Variants in PARP9 observed in about 807,000 individuals in gnomAD.
PARP9 encodes poly(ADP-ribose) polymerase family member 9, also known as protein mono-ADP-ribosyltransferase PARP9.
Under a neutral mutation model 68.8 loss-of-function variants are expected in PARP9, and 48 were observed. That is an observed-to-expected ratio of 0.70 (90% CI 0.55 to 0.89). The LOEUF (loss-of-function observed/expected upper bound fraction) is 0.89. Among genes scored for constraint, PARP9 ranks in the 40% least tolerant of loss-of-function variants. The probability of loss-of-function intolerance (pLI) is 0.00; values close to 1 mark genes in which losing one functional copy is unlikely to be tolerated. For missense variants in PARP9, 806 were observed against 969.3 expected (o/e 0.83, Z 2.24); for synonymous variants, 309 against 333.8 (o/e 0.93, Z 0.81).
chr3:122,556,774 A>G (rs1011120109), intron 3 of PARP9, among the ~76,000 whole-genome samples: 3 of 103,332 alleles, frequency 2.9e-5, no homozygotes, highest in African/African-American at 1.1e-4. Context: ...CCTCAGGGTT[A>G]TACCACTGGA....
At chr3:122,563,528 T>C (rs1453783443) in intron 1 of PARP9, among the ~76,000 whole-genome samples, 1 of 152,202 alleles carries the variant, frequency 6.6e-6, no homozygotes, top group Non-Finnish European at 1.5e-5. Context: ...TTAAAAAATA[T>C]GGCTGCAAAA....
intron 9 of PARP9, 155 bp downstream of exon 9, chr3:122,536,779 G>T: frequency 1.2e-6 from 1 of 851,256 alleles, no homozygotes; most frequent in Non-Finnish European, 1.8e-6. Context: ...CCTCGTGCCT[G>T]CCCTGCCCTG....
At chr3:122,548,495 A>C (rs1250993766) in intron 6 of PARP9, among the ~76,000 whole-genome samples, 1 of 152,178 alleles carries the variant, frequency 6.6e-6, no homozygotes, top group African/African-American at 2.4e-5. Flanking sequence ...GCTGTATCTT[A>C]TTTCCTTTCC....
intron 2 of PARP9, 38 bp from the exon 3 acceptor site, chr3:122,558,505 G>A (rs759731917): frequency 1.9e-6 from 3 of 1,610,666 alleles, no homozygotes; most frequent in Non-Finnish European, 2.5e-6. Flanking sequence ...AAAAATGGAA[G>A]TGGAATGACT....
rs756620968 is a variant in PARP9 at position 122,540,493 on chromosome 3, G to C, written c.1744C>G (p.Arg582Gly). Residue 582 changes from arginine to glycine, a missense_variant, in exon 8 of 11, where the codon CGA becomes GGA. By Grantham distance (125) the Arg-to-Gly change is moderately radical (BLOSUM62 -2). Coordinates refer to ENST00000682323, the MANE Select transcript of PARP9 (RefSeq NM_001146105.2). Reference sequence around the variant, plus strand: ...TCACCTAACGAGCGCCAAAGGCCTCGCTCCTTTTTCCTTGCCATTTCCTCC... The same window carrying C: ...TCACCTAACGAGCGCCAAAGGCCTCCCTCCTTTTTCCTTGCCATTTCCTCC... ...VQEEMARKKE[R>G]GLWRSLGQWT... The C allele has an allele frequency of 1.2e-5, 19 of 1,613,246 alleles. No individual in the cohort carries two copies. Among genetic ancestry groups the C allele is most frequent in the Middle Eastern group, 3.4e-4 (2 of 5,930 alleles).
chr3:122,529,341 T>TAA (rs1256827706), intron 10 of PARP9, among the ~76,000 whole-genome samples: 1 of 151,600 alleles, frequency 6.6e-6, no homozygotes, highest in Non-Finnish European at 1.5e-5. Context: ...ATTTGGGTAG[T>TAA]AACTCCACGT....
Position 122,559,594 on chromosome 3 carries a change from T to G in PARP9, c.15+12A>C. On this transcript the variant is annotated intron_variant, in intron 2 of 10. Coordinates refer to ENST00000682323, the MANE Select transcript of PARP9 (RefSeq NM_001146105.2). ...TCAAGGTTCATGACGTATACACATTTATGCTTTTTACCATGGAAAAGTCCA... is the reference window on the plus strand; with the variant it reads ...TCAAGGTTCATGACGTATACACATTGATGCTTTTTACCATGGAAAAGTCCA... 1 of 1,589,938 alleles carries G rather than the reference T, an allele frequency of 6.3e-7. No individual in the cohort carries two copies. The highest frequency in any genetic ancestry group is 2.3e-5 in the East Asian group (1 of 44,282).
intron 1 of PARP9, among the ~76,000 whole-genome samples, chr3:122,563,924 C>T (rs573487813): frequency 6.6e-6 from 1 of 152,106 alleles, no homozygotes; most frequent in East Asian, 1.9e-4. Flanking sequence ...CCGCAGAAGC[C>T]CGTCTAAAGG....
At chr3:122,545,392 T>C in intron 7 of PARP9, 40 bp downstream of exon 7, 1 of 1,595,788 alleles carries the variant, frequency 6.3e-7, no homozygotes, top group Non-Finnish European at 8.6e-7. Flanking sequence ...GAGCCAATGG[T>C]GGGCGACCCT....
chr3:122,536,598 C>T lies in PARP9; in HGVS notation c.1906-256G>A, dbSNP rs948280229. 2.0e-5 allele frequency: 12 copies of T among 601,400 alleles called. No homozygotes were observed. In the African/African-American group the frequency reaches 2.0e-4, roughly 10 times the overall value. 37.3% of individuals were successfully genotyped at this position (601,400 alleles called of 1,614,324 possible). A position where few individuals can be genotyped will look rare whatever the true frequency, so the allele number is the denominator to read the frequency against. Reference sequence around the variant, plus strand: ...TCACTGACCTAGACATAGTCTCTGCCCTCTTAAGCTCATAGTTTAGTGAGA... The same window carrying T: ...TCACTGACCTAGACATAGTCTCTGCTCTCTTAAGCTCATAGTTTAGTGAGA... On this transcript the variant is annotated intron_variant, in intron 9 of 10. Transcript: ENST00000682323.
At chr3:122,541,550 C>A (rs2078232777) in intron 7 of PARP9, among the ~76,000 whole-genome samples, 1 of 152,166 alleles carries the variant, frequency 6.6e-6, no homozygotes, top group African/African-American at 2.4e-5. Flanking sequence ...AGACACAGAG[C>A]TTGAAGAGTC....
chr3:122,551,761 G>T (rs903544694), intron 5 of PARP9, among the ~76,000 whole-genome samples: 16 of 152,218 alleles, frequency 1.1e-4, no homozygotes, highest in African/African-American at 2.9e-4. Context: ...AGGGACATAA[G>T]AGGCTGAATC....
intron 5 of PARP9, among the ~76,000 whole-genome samples, chr3:122,551,628 GGA>G (rs1329791501): frequency 2.0e-5 from 3 of 152,102 alleles, no homozygotes; most frequent in African/African-American, 7.2e-5. Flanking sequence ...GTGCCTCAGT[GGA>G]GAGTGGGCTA....
At chr3:122,535,476 C>A in intron 10 of PARP9, 3 of 985,370 alleles carry the variant, frequency 3.0e-6, no homozygotes, top group Non-Finnish European at 3.6e-6. Context: ...ATCAAGCCAC[C>A]CCGCTAAGTA....
At chr3:122,542,565 C>T (rs1026353561) in intron 7 of PARP9, among the ~76,000 whole-genome samples, 10 of 152,040 alleles carry the variant, frequency 6.6e-5, no homozygotes, top group African/African-American at 1.2e-4. Context: ...CTGCAGCCTC[C>T]GCCTCCTGGG....
intron 7 of PARP9, among the ~76,000 whole-genome samples, chr3:122,541,240 T>A (rs959172902): frequency 6.6e-6 from 1 of 152,210 alleles, no homozygotes; most frequent in African/African-American, 2.4e-5. Flanking sequence ...GCCAGTGTTT[T>A]ACCCCTATGA....
chr3:122,559,835 G>C (rs1034188602), intron 1 of PARP9, 126 bp from the exon 2 acceptor site: 3 of 422,076 alleles, frequency 7.1e-6, no homozygotes, highest in Non-Finnish European at 1.3e-5. Context: ...CCTTGATAAC[G>C]ATGTACACAT....
intron 1 of PARP9, among the ~76,000 whole-genome samples, chr3:122,560,228 A>G (rs142338568): frequency 6.6e-6 from 1 of 152,342 alleles, no homozygotes; most frequent in East Asian, 1.9e-4. Context: ...GTTAAAAGTC[A>G]GAAAATCTGG....
chr3:122,531,310 G>A (rs535454377), intron 10 of PARP9, among the ~76,000 whole-genome samples: 1 of 152,290 alleles, frequency 6.6e-6, no homozygotes, highest in East Asian at 1.9e-4. Context: ...TATGTGGCAA[G>A]GTAATATTTT....
Sources: allele counts gnomAD v4.1 joint callset (sites outside exome capture counted in the v4.1 genomes callset), GRCh38; gene constraint gnomAD v4.1.1; transcripts MANE v1.5; gene names NCBI Gene and HGNC (gene_info 2026-07-23, HGNC 2026-07-21).